DDX19B: variants seen among roughly 807,000 people sequenced by gnomAD.
DDX19B encodes the protein DEAD-box helicase 19B, also known as ATP-dependent RNA helicase DDX19B.
In DDX19B, 27 loss-of-function variants were observed where a neutral mutation model predicts 58.1. The ratio of observed to expected loss-of-function variants is 0.46; its 90% CI spans 0.34 to 0.64. The LOEUF is 0.64. DDX19B is among the 30% of genes least tolerant of loss of function. The probability of loss-of-function intolerance (pLI) is 0.01; values close to 1 mark genes in which losing one functional copy is unlikely to be tolerated. For missense variants in DDX19B, 399 were observed against 596.5 expected (o/e 0.67, Z 3.45); for synonymous variants, 187 against 214.4 (o/e 0.87, Z 1.12).
chr16:70,292,011 C>T (rs1014109718), upstream of DDX19B, among the ~76,000 whole-genome samples: 6 of 151,872 alleles, frequency 4.0e-5, no homozygotes, highest in African/African-American at 9.7e-5. Flanking sequence ...ATTAGCTAGG[C>T]GTGGTGGCAT....
At chr16:70,296,587 C>T (rs1961233943), upstream of DDX19B, among the ~76,000 whole-genome samples, 1 of 152,108 alleles carries the variant, frequency 6.6e-6, no homozygotes, top group Admixed American at 6.6e-5. Flanking sequence ...AAATGTTTTG[C>T]AAATTTCATT....
At chr16:70,314,993 C>T in intron 3 of DDX19B, 38 bp downstream of exon 3, 1 of 1,595,860 alleles carries the variant, frequency 6.3e-7, no homozygotes. Flanking sequence ...TAACAAGCTT[C>T]TACATTCTAA....
chr16:70,321,743 A>G (rs1236844644), intron 5 of DDX19B, among the ~76,000 whole-genome samples: 1 of 152,226 alleles, frequency 6.6e-6, no homozygotes, highest in African/African-American at 2.4e-5. Context: ...TCAAATAAAA[A>G]TAAATTTTGG....
rs768846581 is a variant in DDX19B at position 70,299,273 on chromosome 16, G to A, written c.-25G>A. On this transcript the variant is annotated 5_prime_UTR_variant, in exon 1 of 12. Coordinates refer to ENST00000288071, the MANE Select transcript of DDX19B (RefSeq NM_007242.7). ...TGCCATCCCTCGAATCCACCAGCAC[G>A]AGCGTCCCACCCGCGCCTGGGACCA... 67 of 1,555,370 alleles carry A rather than the reference G, an allele frequency of 4.3e-5. No homozygotes were observed. The highest frequency in any genetic ancestry group is 5.5e-5 in the Non-Finnish European group (63 of 1,153,396).
upstream of DDX19B, chr16:70,299,146 A>C (rs1961340738): frequency 3.6e-6 from 5 of 1,372,500 alleles, no homozygotes; most frequent in South Asian, 5.2e-5. Context: ...GCCAAACAGG[A>C]GTGGCCTCCG....
At chr16:70,324,436 A>G (rs1331341198) in intron 5 of DDX19B, 149 bp from the exon 6 acceptor site, 3 of 567,000 alleles carry the variant, frequency 5.3e-6, no homozygotes, top group African/African-American at 2.0e-5. Flanking sequence ...TCTTATTTCT[A>G]TAGTGCCCTG....
At chr16:70,299,525 C>A (rs922477414) in intron 1 of DDX19B, among the ~76,000 whole-genome samples, 171 bp downstream of exon 1, 1 of 152,108 alleles carries the variant, frequency 6.6e-6, no homozygotes, top group Non-Finnish European at 1.5e-5. Context: ...CTCCGCGTTA[C>A]GTAAGCGCAG....
Position 70,324,447 on chromosome 16 carries a change from T to C in DDX19B, c.390-138T>C, listed in dbSNP as rs80069085. 4.0e-3 allele frequency: 2,608 copies of C among 658,718 alleles called. 103 individuals are homozygous for C. The East Asian group carries it at 0.068, about 17-fold the overall frequency. 40.8% of individuals were successfully genotyped at this position (658,718 alleles called of 1,614,324 possible). A position where few individuals can be genotyped will look rare whatever the true frequency, so the allele number is the denominator to read the frequency against. ...AAAATCTTATTTCTATAGTGCCCTG[T>C]TCTTGTGAAGCTAGCATATGTAACT... On this transcript the variant is annotated intron_variant, in intron 5 of 11. Coordinates refer to ENST00000288071, the MANE Select transcript of DDX19B (RefSeq NM_007242.7).
At chr16:70,324,902 T>C (rs1174263999) in intron 6 of DDX19B, among the ~76,000 whole-genome samples, 1 of 152,046 alleles carries the variant, frequency 6.6e-6, no homozygotes, top group African/African-American at 2.4e-5. Flanking sequence ...AAATAAAAAA[T>C]TAGCTGGGCC....
chr16:70,332,051 A>G lies in DDX19B; in HGVS notation c.1186+167A>G, dbSNP rs138089289. 4.9e-3 allele frequency among the ~76,000 whole-genome samples: 743 copies of G among 152,314 alleles called. 13 individuals carry two copies. The highest frequency in any genetic ancestry group is 0.017 in the African/African-American group (689 of 41,560). On this transcript the variant is annotated intron_variant, in intron 10 of 11. Coordinates refer to ENST00000288071, the MANE Select transcript of DDX19B (RefSeq NM_007242.7). ...ACTGTTTGGATTTCCCTCAGGTGATAAGAACTCCCACAGAAGCCAGGAGTC... is the reference window on the plus strand; with the variant it reads ...ACTGTTTGGATTTCCCTCAGGTGATGAGAACTCCCACAGAAGCCAGGAGTC...
At chr16:70,322,066 C>T (rs1028411257) in intron 5 of DDX19B, among the ~76,000 whole-genome samples, 2 of 151,760 alleles carry the variant, frequency 1.3e-5, no homozygotes, top group Non-Finnish European at 2.9e-5. Context: ...TAAATTTTGG[C>T]CAGGCATAGT....
chr16:70,308,311 TG>T (rs1961881197), intron 1 of DDX19B, among the ~76,000 whole-genome samples: 1 of 151,926 alleles, frequency 6.6e-6, no homozygotes. Context: ...TGGAGTGCAA[TG>T]GTGTGATCTT....
upstream of DDX19B, chr16:70,295,166 C>A: frequency 1.1e-6 from 1 of 938,386 alleles, no homozygotes; most frequent in Non-Finnish European, 1.4e-6. Context: ...TCTTATTCCC[C>A]GAACACTCTT....
intron 1 of DDX19B, among the ~76,000 whole-genome samples, chr16:70,311,397 A>G (rs1304529782): frequency 6.6e-6 from 1 of 152,068 alleles, no homozygotes; most frequent in Non-Finnish European, 1.5e-5. Flanking sequence ...AAACAAACAA[A>G]AAATTTACGA....
chr16:70,317,540 G>A lies in DDX19B; in HGVS notation c.341G>A (p.Arg114His), dbSNP rs770754747. 5 of 1,613,058 alleles carry A rather than the reference G, an allele frequency of 3.1e-6. No homozygotes were observed. Among genetic ancestry groups the A allele is most frequent in the Admixed American group, 1.7e-5 (1 of 59,952 alleles). The change falls in exon 5 of 12, where the codon CGT becomes CAT. Residue 114 changes from arginine (R) to histidine (H), a missense_variant. Physicochemically the swap from Arg to His is conservative, Grantham distance 29. Coordinates refer to ENST00000288071, the MANE Select transcript of DDX19B (RefSeq NM_007242.7). ...LQGVYAMGFN[R>H]PSKIQENALP... is the part of the protein sequence containing the mutation. ...GGAGTCTATGCCATGGGTTTCAATC[G>A]TCCATCCAAGATACAAGAGAACGCA... is the stretch of plus-strand genomic sequence containing the variant.
chr16:70,306,608 T>C (rs1018015158), intron 1 of DDX19B, among the ~76,000 whole-genome samples: 2 of 152,202 alleles, frequency 1.3e-5, no homozygotes. Flanking sequence ...AATCCAGTGA[T>C]AATAAAAACT....
rs1290596660 is a variant in DDX19B at position 70,303,211 on chromosome 16, T to C, written c.57+3857T>C. ...AGAGTCAGGCTAGAGTGCAGTGGCA[T>C]GATCTTGGCTCACTGAAACCTCCAC... On this transcript the variant is annotated intron_variant, in intron 1 of 11. Coordinates refer to ENST00000288071, the MANE Select transcript of DDX19B (RefSeq NM_007242.7). Among the ~76,000 whole-genome samples, 3 of 152,264 alleles carry C rather than the reference T, an allele frequency of 2.0e-5. No individual in the cohort carries two copies. In the East Asian group the frequency reaches 5.8e-4, roughly 29 times the overall value.
intron 7 of DDX19B, among the ~76,000 whole-genome samples, chr16:70,327,080 C>T (rs1463432379): frequency 2.7e-5 from 4 of 145,536 alleles, no homozygotes; most frequent in Non-Finnish European, 4.6e-5. Flanking sequence ...GTGATCCTCC[C>T]GCCTTGGCCT....
chr16:70,328,234 A>G (rs1156540144), intron 7 of DDX19B, among the ~76,000 whole-genome samples: 1 of 152,148 alleles, frequency 6.6e-6, no homozygotes, highest in Admixed American at 6.6e-5. Flanking sequence ...TCAAGTCTGC[A>G]TACAGTGTCC....
Sources: gnomAD v4.1 joint callset for allele counts (sites outside exome capture counted in the v4.1 genomes callset) on GRCh38, gnomAD v4.1.1 for gene constraint, MANE v1.5 for transcripts, NCBI Gene and HGNC (gene_info 2026-07-23, HGNC 2026-07-21) for gene names.